Variants in RORA observed in about 807,000 individuals in gnomAD.
RORA encodes RAR related orphan receptor A.
RORA carries 7 observed loss-of-function variants against 69.5 expected under a neutral mutation model. That is an observed-to-expected ratio of 0.10 (90% confidence interval 0.06 to 0.19). The LOEUF is 0.19. Among genes scored for constraint, RORA ranks in the 10% least tolerant of loss-of-function variants. RORA has a pLI of 1.00. For missense variants in RORA, 457 were observed against 663.0 expected (o/e 0.69, Z 3.41); for synonymous variants, 261 against 240.8 (o/e 1.08, Z -0.78).
At chr15:60,744,022 G>T (rs775979092) in intron 1 of RORA, among the ~76,000 whole-genome samples, 1 of 151,548 alleles carries the variant, frequency 6.6e-6, no homozygotes, top group Admixed American at 6.6e-5. Context: ...ATAAGGGGTG[G>T]GTGAGAAAAA....
At chr15:60,783,290 C>A (rs1276885318) in intron 1 of RORA, among the ~76,000 whole-genome samples, 1 of 151,678 alleles carries the variant, frequency 6.6e-6, no homozygotes, top group Non-Finnish European at 1.5e-5. Context: ...ACTAGGAGGC[C>A]CTTAAAACAG....
chr15:61,023,187 C>CAAAAAAAAAAAA (rs35185635), intron 1 of RORA, among the ~76,000 whole-genome samples: 2 of 75,672 alleles, frequency 2.6e-5, no homozygotes. Context: ...GACTCTGCCT[C>CAAAAAAAAAAAA]AAAAAAAAAA....
chr15:60,745,390 A>C (rs1263979596), intron 1 of RORA, among the ~76,000 whole-genome samples: 3 of 152,220 alleles, frequency 2.0e-5, no homozygotes, highest in African/African-American at 7.2e-5. Flanking sequence ...CCGGGTAGCT[A>C]CCTGCTGCCT....
In RORA at chr15:60,900,756, C is replaced by T. The variant is rs1488538544; in HGVS notation, c.167-222070G>A. Among the ~76,000 whole-genome samples, 8 of 152,164 alleles carry T rather than the reference C, an allele frequency of 5.3e-5. No homozygotes were observed. The East Asian group carries it at 1.4e-3, about 26-fold the overall frequency. On this transcript the variant is annotated intron_variant, in intron 1 of 10. Transcript: ENST00000335670. Reference sequence around the variant, plus strand: ...GAGTGGTGGTGTGCGCCTGTAGTCCCAGCTACTCGGGAGGCTGAGGCAGGA... The same window carrying T: ...GAGTGGTGGTGTGCGCCTGTAGTCCTAGCTACTCGGGAGGCTGAGGCAGGA...
intron 1 of RORA, among the ~76,000 whole-genome samples, chr15:60,842,006 G>T (rs1008301685): frequency 1.3e-5 from 2 of 152,018 alleles, no homozygotes; most frequent in Non-Finnish European, 2.9e-5. Context: ...ACTACAGTTT[G>T]GGTCACTGCC....
At chr15:61,022,147 T>C (rs1159663025) in intron 1 of RORA, among the ~76,000 whole-genome samples, 1 of 152,226 alleles carries the variant, frequency 6.6e-6, no homozygotes, top group Non-Finnish European at 1.5e-5. Flanking sequence ...GCAGGCTCTA[T>C]GATTTGGGAC....
At chr15:61,091,960 C>T (rs2078714304) in intron 1 of RORA, among the ~76,000 whole-genome samples, 1 of 152,128 alleles carries the variant, frequency 6.6e-6, no homozygotes, top group Non-Finnish European at 1.5e-5. Context: ...GATGGTGGCC[C>T]CCAAGACTAG....
intron 1 of RORA, among the ~76,000 whole-genome samples, chr15:61,134,995 A>G (rs1457912805): frequency 1.3e-5 from 2 of 152,064 alleles, no homozygotes; most frequent in Admixed American, 1.3e-4. Flanking sequence ...ACCCCTGTCC[A>G]ACATACCACT....
At chr15:60,980,394 C>T (rs998924521) in intron 1 of RORA, among the ~76,000 whole-genome samples, 53 of 152,134 alleles carry the variant, frequency 3.5e-4, no homozygotes, top group African/African-American at 1.3e-3. Context: ...ACTGACCTCA[C>T]AGAATGAGTT....
chr15:60,649,601 C>G (rs976575419), intron 2 of RORA, among the ~76,000 whole-genome samples: 1 of 152,028 alleles, frequency 6.6e-6, no homozygotes, highest in East Asian at 1.9e-4. Context: ...GAAAGGAGGC[C>G]AAAAGGAAGG....
intron 1 of RORA, among the ~76,000 whole-genome samples, chr15:61,014,142 A>G (rs1895198685): frequency 6.6e-6 from 1 of 152,216 alleles, no homozygotes; most frequent in Non-Finnish European, 1.5e-5. Context: ...TAGATACAGC[A>G]GGATCCAAAA....
chr15:60,782,122 G>A (rs1294236932), intron 1 of RORA, among the ~76,000 whole-genome samples: 1 of 152,186 alleles, frequency 6.6e-6, no homozygotes, highest in Admixed American at 6.5e-5. Context: ...CTACTTGGGA[G>A]GCTGAGGCAG....
At chr15:60,520,974 C>T (rs935982157) in intron 3 of RORA, among the ~76,000 whole-genome samples, 1 of 152,094 alleles carries the variant, frequency 6.6e-6, no homozygotes, top group Non-Finnish European at 1.5e-5. Context: ...CTAGTGGCAG[C>T]AGATTACCAT....
intron 1 of RORA, among the ~76,000 whole-genome samples, chr15:60,809,434 GCC>G (rs1418358861): frequency 6.6e-6 from 1 of 152,160 alleles, no homozygotes; most frequent in Non-Finnish European, 1.5e-5. Context: ...AACAGTCCCT[GCC>G]CATATTTCTT....
chr15:60,801,144 C>T (rs777349324), intron 1 of RORA, among the ~76,000 whole-genome samples: 29 of 152,190 alleles, frequency 1.9e-4, no homozygotes, highest in Non-Finnish European at 3.5e-4. Flanking sequence ...CCTTACTTGG[C>T]GCAGACCCTA....
chr15:60,814,027 AAAAC>A (rs1370112826), intron 1 of RORA, among the ~76,000 whole-genome samples: 2 of 152,236 alleles, frequency 1.3e-5, no homozygotes, highest in Non-Finnish European at 2.9e-5. Flanking sequence ...TACATATCAT[AAAAC>A]AATCTATGAA....
At chr15:61,205,785 C>T (rs1043030854) in intron 1 of RORA, among the ~76,000 whole-genome samples, 2 of 152,144 alleles carry the variant, frequency 1.3e-5, no homozygotes, top group Non-Finnish European at 1.5e-5. Context: ...TACCTCCCAC[C>T]TCCACACATG....
intron 1 of RORA, among the ~76,000 whole-genome samples, chr15:60,912,323 G>C (rs937261074): frequency 3.9e-5 from 6 of 152,138 alleles, no homozygotes; most frequent in African/African-American, 1.2e-4. Flanking sequence ...TTGGGAGGCT[G>C]AGATGACAGG....
chr15:60,900,383 C>A (rs1302260266), intron 1 of RORA, among the ~76,000 whole-genome samples: 1 of 152,204 alleles, frequency 6.6e-6, no homozygotes, highest in Non-Finnish European at 1.5e-5. Flanking sequence ...TAAATGGTAT[C>A]TTCTACATTG....
Sources: allele counts gnomAD v4.1 joint callset (sites outside exome capture counted in the v4.1 genomes callset), GRCh38; gene constraint gnomAD v4.1.1; transcripts MANE v1.5; gene names NCBI Gene and HGNC (gene_info 2026-07-23, HGNC 2026-07-21).